Variants in GYS2 observed in about 807,000 individuals in gnomAD.
The protein encoded by GYS2 is glycogen synthase 2.
GYS2 carries 80 observed loss-of-function variants against 85.6 expected under a neutral mutation model. The observed-to-expected ratio is 0.93, with a 90% CI of 0.78 to 1.13. The LOEUF is 1.13. Among genes scored for constraint, GYS2 ranks in the 50% most tolerant of loss-of-function variants. The pLI, the probability that GYS2 is intolerant of heterozygous loss-of-function variation, is 0.00. For synonymous variants in GYS2, 328 were observed against 300.7 expected (o/e 1.09, Z -0.94); for missense variants, 881 against 854.9 (o/e 1.03, Z -0.38).
intron 12 of GYS2, among the ~76,000 whole-genome samples, chr12:21,545,418 G>A (rs968687750): frequency 3.3e-5 from 5 of 152,298 alleles, no homozygotes; most frequent in Non-Finnish European, 7.4e-5. Flanking sequence ...CTCCAGCCTG[G>A]GTGACAGAGT....
chr12:21,604,648 C>G lies in GYS2; in HGVS notation c.-56G>C. The G allele has an allele frequency of 3.1e-6, 5 of 1,608,486 alleles. No individual in the cohort carries two copies. The Admixed American group carries it at 5.0e-5, about 16-fold the overall frequency. On this transcript the variant is annotated 5_prime_UTR_variant, in exon 1 of 16. Transcript: ENST00000261195. Reference sequence around the variant, plus strand: ...ATTCCTGTTTCAATTAGTTGTAATCCCAGGAGAAGAGAACTTACAGGCACA... The same window carrying G: ...ATTCCTGTTTCAATTAGTTGTAATCGCAGGAGAAGAGAACTTACAGGCACA...
At chr12:21,551,863 G>T (rs1288777021) in intron 11 of GYS2, among the ~76,000 whole-genome samples, 2 of 152,138 alleles carry the variant, frequency 1.3e-5, no homozygotes, top group South Asian at 4.1e-4. Context: ...ACAAGAAAGG[G>T]GGATTTGAAA....
intron 1 of GYS2, among the ~76,000 whole-genome samples, chr12:21,596,198 C>A (rs1944694551): frequency 6.6e-6 from 1 of 152,078 alleles, no homozygotes; most frequent in Admixed American, 6.6e-5. Flanking sequence ...TGGTCCCCAT[C>A]TTTTTGACAC....
At chr12:21,538,869 C>A (rs1943939704) in intron 15 of GYS2, among the ~76,000 whole-genome samples, 3 of 152,164 alleles carry the variant, frequency 2.0e-5, no homozygotes. Context: ...TTCAATTCCT[C>A]CTGGGGTGCT....
chr12:21,562,266 C>G (rs1032054751), intron 7 of GYS2, among the ~76,000 whole-genome samples: 1 of 152,016 alleles, frequency 6.6e-6, no homozygotes, highest in Non-Finnish European at 1.5e-5. Context: ...AACTCTTAGT[C>G]GCAGGGAGGT....
chr12:21,601,208 G>A (rs182751896), intron 1 of GYS2, among the ~76,000 whole-genome samples: 10 of 152,048 alleles, frequency 6.6e-5, no homozygotes, highest in Admixed American at 3.3e-4. Flanking sequence ...CCACATTTGG[G>A]CAAAACTTTC....
Position 21,540,506 on chromosome 12 carries a change from G to C in GYS2, c.1713C>G (p.Leu571=), listed in dbSNP as rs139122418. 1 of 1,613,766 alleles carries C rather than the reference G, an allele frequency of 6.2e-7. No homozygotes were observed. Among genetic ancestry groups the C allele is most frequent in the Non-Finnish European group, 8.5e-7 (1 of 1,179,812 alleles). ...DDSCNQLTKF[L]YGFCKQSRRQ... is the part of the protein sequence containing the mutation. ...GGCGTGACTGTTTGCAAAATCCATA[G>C]AGAAACTTAGTCAGCTGATTGCAAG... The change falls in exon 14 of 16, where the codon CTC becomes CTG. Residue 571 remains leucine (L), a synonymous_variant. Transcript: ENST00000261195.
chr12:21,565,623 T>C (rs953900975), intron 5 of GYS2, among the ~76,000 whole-genome samples: 8 of 150,642 alleles, frequency 5.3e-5, no homozygotes, highest in Non-Finnish European at 8.9e-5. Flanking sequence ...ATTTAATTAG[T>C]TTATATAAAT....
chr12:21,595,433 C>A (rs1944684853), intron 1 of GYS2, among the ~76,000 whole-genome samples: 1 of 152,208 alleles, frequency 6.6e-6, no homozygotes, highest in South Asian at 2.1e-4. Flanking sequence ...GGAGAAGTTT[C>A]TGACCTTACC....
At chr12:21,581,535 C>A (rs531676297) in intron 1 of GYS2, among the ~76,000 whole-genome samples, 3 of 152,120 alleles carry the variant, frequency 2.0e-5, no homozygotes, top group Admixed American at 6.5e-5. Context: ...AGCTCCCAGC[C>A]GAATAAAGCC....
chr12:21,585,515 C>G (rs1183459769), intron 1 of GYS2, among the ~76,000 whole-genome samples: 2 of 147,016 alleles, frequency 1.4e-5, no homozygotes, highest in Non-Finnish European at 3.0e-5. Flanking sequence ...TACTACAGGC[C>G]ATTCCAGGCA....
chr12:21,551,021 TTA>T (rs1491503475), intron 11 of GYS2, among the ~76,000 whole-genome samples: 2 of 151,236 alleles, frequency 1.3e-5, no homozygotes, highest in Non-Finnish European at 1.5e-5. Context: ...TAATTTTTTT[TTA>T]TTATACTTTA....
intron 1 of GYS2, among the ~76,000 whole-genome samples, chr12:21,584,385 TGGGTGACCTCAGCAGAAGAG>T (rs372688732): frequency 0.41 from 62,786 of 151,602 alleles, 13,559 homozygotes; most frequent in Middle Eastern, 0.53. Context: ...TGCTCACCAA[TGGGTGACCTCAGCAGAAGAG>T]GATTTTAATA....
At chr12:21,577,955 T>A (rs983114218) in intron 2 of GYS2, among the ~76,000 whole-genome samples, 2 of 152,230 alleles carry the variant, frequency 1.3e-5, no homozygotes, top group African/African-American at 4.8e-5. Flanking sequence ...CCAGATTTTT[T>A]ATCCTGCACA....
chr12:21,582,002 AC>A (rs1261438066), intron 1 of GYS2, among the ~76,000 whole-genome samples: 5 of 152,186 alleles, frequency 3.3e-5, no homozygotes, highest in African/African-American at 1.2e-4. Flanking sequence ...GACAAATGGG[AC>A]TTAATTAAAC....
At chr12:21,591,162 T>C (rs1944634475) in intron 1 of GYS2, among the ~76,000 whole-genome samples, 1 of 152,016 alleles carries the variant, frequency 6.6e-6, no homozygotes, top group African/African-American at 2.4e-5. Context: ...TTTATAAAAT[T>C]CTGGAAAAAA....
At chr12:21,582,533 A>C (rs1191858053) in intron 1 of GYS2, among the ~76,000 whole-genome samples, 1 of 152,136 alleles carries the variant, frequency 6.6e-6, no homozygotes, top group East Asian at 1.9e-4. Flanking sequence ...CCTTGTGAAC[A>C]TGTGAGTCAA....
At position 21,580,346 on chromosome 12, in the gene GYS2, C is replaced by A. The variant is rs144077289; in HGVS notation, c.299G>T (p.Cys100Phe). 7.1e-5 allele frequency: 114 copies of A among 1,612,960 alleles called. No homozygotes were observed. The African/African-American group carries it at 1.4e-3, about 20-fold the overall frequency. Reference sequence around the variant, plus strand: ...GTGAAGTGTCAGTTCCTTTACCTGGCAGCCATGCTTATTCATTGCGTCCAC... The same window carrying A: ...GTGAAGTGTCAGTTCCTTTACCTGGAAGCCATGCTTATTCATTGCGTCCAC... ...RAVDAMNKHG[C>F]QVHFGRWLIE... The change falls in exon 2 of 16, where the codon TGC (cysteine) becomes TTC (phenylalanine). Residue 100 changes from cysteine to phenylalanine, a missense_variant. Transcript: ENST00000261195.
intron 5 of GYS2, among the ~76,000 whole-genome samples, chr12:21,567,197 C>T (rs1215305372): frequency 6.6e-6 from 1 of 152,002 alleles, no homozygotes; most frequent in Non-Finnish European, 1.5e-5. Context: ...AGTAAGTGAA[C>T]CTAGCAATTA....
Sources: gnomAD v4.1 joint callset for allele counts (sites outside exome capture counted in the v4.1 genomes callset) on GRCh38, gnomAD v4.1.1 for gene constraint, MANE v1.5 for transcripts, NCBI Gene and HGNC (gene_info 2026-07-23, HGNC 2026-07-21) for gene names.